SAMD5: variants seen among roughly 807,000 people sequenced by gnomAD.
SAMD5 encodes sterile alpha motif domain-containing protein 5.
SAMD5 carries 13 observed loss-of-function variants against 11.3 expected under a neutral mutation model. The ratio of observed to expected loss-of-function variants is 1.15; its 90% CI spans 0.75 to 1.83. SAMD5 has a LOEUF of 1.83. Ranked by LOEUF, SAMD5 falls within the 40% of genes most tolerant of loss-of-function variation. SAMD5 has a pLI of 0.00. For synonymous variants in SAMD5, 129 were observed against 111.3 expected, an observed-to-expected ratio of 1.16 and a Z score of -1.00; for missense variants, 255 against 239.1, an observed-to-expected ratio of 1.07 and a Z score of -0.44.
At chr6:147,696,593 A>G (rs9399617) in intron 1 of SAMD5, among the ~76,000 whole-genome samples, 103,688 of 152,024 alleles carry the variant, frequency 0.68, 35,492 homozygotes, top group Admixed American at 0.74. Flanking sequence ...GTGGATTCCC[A>G]GCATTTGATT....
At chr6:147,842,264 A>C in the SAMD5 span, among the ~76,000 whole-genome samples, 1 of 151,998 alleles carries the variant, frequency 6.6e-6, no homozygotes, top group South Asian at 2.1e-4. Context: ...AAGCATAAGG[A>C]CCTAACACGC....
chr6:147,563,034 T>C (rs1788979275), intron 1 of SAMD5, among the ~76,000 whole-genome samples: 2 of 152,220 alleles, frequency 1.3e-5, no homozygotes, highest in Non-Finnish European at 2.9e-5. Flanking sequence ...GGCTTTATTT[T>C]GGCGACTATT....
At chr6:147,812,726 A>G in the SAMD5 span, among the ~76,000 whole-genome samples, 1 of 152,226 alleles carries the variant, frequency 6.6e-6, no homozygotes, top group African/African-American at 2.4e-5. Flanking sequence ...TACCACAGGC[A>G]CTAGATAACT....
chr6:147,918,059 A>G, the SAMD5 span, among the ~76,000 whole-genome samples: 1 of 152,280 alleles, frequency 6.6e-6, no homozygotes, highest in South Asian at 2.1e-4. Context: ...TTGGTTCCAT[A>G]TGAACTTTAA....
chr6:147,706,934 C>T (rs1271847130), intron 1 of SAMD5, among the ~76,000 whole-genome samples: 1 of 152,158 alleles, frequency 6.6e-6, no homozygotes, highest in African/African-American at 2.4e-5. Flanking sequence ...CTATTTATGA[C>T]TGAGGTTGAG....
At chr6:147,614,238 C>T (rs555348160) in intron 1 of SAMD5, among the ~76,000 whole-genome samples, 13 of 151,840 alleles carry the variant, frequency 8.6e-5, no homozygotes, top group African/African-American at 2.7e-4. Flanking sequence ...GAGGCAGAGG[C>T]GGGCAGATCA....
At chr6:147,875,346 G>T in the SAMD5 span, among the ~76,000 whole-genome samples, 1 of 152,134 alleles carries the variant, frequency 6.6e-6, no homozygotes, top group African/African-American at 2.4e-5. Flanking sequence ...TTAGAGCAAC[G>T]ACCAAGTAGT....
the SAMD5 span, among the ~76,000 whole-genome samples, chr6:147,769,570 T>A: frequency 6.6e-6 from 1 of 152,212 alleles, no homozygotes; most frequent in African/African-American, 2.4e-5. Context: ...TTATAATCAT[T>A]TGTACATGTT....
At chr6:147,935,310 G>A in the SAMD5 span, among the ~76,000 whole-genome samples, 1 of 152,106 alleles carries the variant, frequency 6.6e-6, no homozygotes, top group African/African-American at 2.4e-5. Context: ...TGGCCTTGAA[G>A]GAAGATGAAG....
the SAMD5 span, among the ~76,000 whole-genome samples, chr6:147,868,801 G>A: frequency 6.6e-6 from 1 of 152,194 alleles, no homozygotes; most frequent in Non-Finnish European, 1.5e-5. Flanking sequence ...AAACCAGGCA[G>A]TGTGCAGATA....
At chr6:147,803,308 C>T in the SAMD5 span, among the ~76,000 whole-genome samples, 1 of 152,082 alleles carries the variant, frequency 6.6e-6, no homozygotes, top group Non-Finnish European at 1.5e-5. Context: ...AGATCCTGAT[C>T]ATTCCACTTG....
the SAMD5 span, among the ~76,000 whole-genome samples, chr6:147,904,648 G>A: frequency 2.0e-5 from 3 of 152,050 alleles, no homozygotes; most frequent in African/African-American, 7.2e-5. Context: ...TGATTGCCTG[G>A]GCTGATCTTC....
intron 1 of SAMD5, among the ~76,000 whole-genome samples, chr6:147,599,909 T>A (rs945160717): frequency 2.6e-5 from 4 of 151,874 alleles, no homozygotes; most frequent in Non-Finnish European, 5.9e-5. Flanking sequence ...CTCCAAGAGG[T>A]CCCAGTAGGT....
chr6:147,825,941 CTG>C, the SAMD5 span, among the ~76,000 whole-genome samples: 1 of 152,190 alleles, frequency 6.6e-6, no homozygotes, highest in Non-Finnish European at 1.5e-5. Flanking sequence ...TTAATCCCAC[CTG>C]TGTTTCCTGC....
In SAMD5 at chr6:147,661,819, CG is replaced by C. The variant is rs566914043; in HGVS notation, c.163-75494del. Among the ~76,000 whole-genome samples, 124 of 151,960 alleles carry C rather than the reference CG, an allele frequency of 8.2e-4. 1 individual carries two copies. Among genetic ancestry groups the C allele is most frequent in the Non-Finnish European group, 1.3e-3 (90 of 67,942 alleles). On this transcript the variant is annotated intron_variant, in intron 1 of 1. Coordinates refer to the SAMD5 transcript ENST00000566741. ...TAATTTTTTGTATTTTTCGTAGAAA[CG>C]GGGTTTCACTATGTTGGCCAGGCTG...
the SAMD5 span, among the ~76,000 whole-genome samples, chr6:147,800,224 TG>T: frequency 6.6e-6 from 1 of 152,284 alleles, no homozygotes. Flanking sequence ...TCTTTGATGA[TG>T]GTGATGTACA....
chr6:147,801,586 T>C, the SAMD5 span, among the ~76,000 whole-genome samples: 2 of 152,152 alleles, frequency 1.3e-5, no homozygotes, highest in African/African-American at 4.8e-5. Context: ...TTTTCAGGCA[T>C]TCTGAATGAA....
At chr6:147,857,012 A>C in the SAMD5 span, among the ~76,000 whole-genome samples, 5 of 151,802 alleles carry the variant, frequency 3.3e-5, no homozygotes, top group Non-Finnish European at 5.9e-5. Flanking sequence ...AAAGGGAGCT[A>C]AGAAAATGGG....
chr6:147,606,978 A>AAAAAAAAAAAC (rs397708065), intron 1 of SAMD5, among the ~76,000 whole-genome samples: 4,079 of 147,168 alleles, frequency 0.028, 113 homozygotes, highest in African/African-American at 0.075. Flanking sequence ...AAAAAAAAAA[A>AAAAAAAAAAAC]CAGAAAGAGA....
Sources: allele counts gnomAD v4.1 joint callset (sites outside exome capture counted in the v4.1 genomes callset), GRCh38; gene constraint gnomAD v4.1.1; transcripts MANE v1.5; gene names NCBI Gene and HGNC (gene_info 2026-07-23, HGNC 2026-07-21).